LRRC37A2: variants seen among roughly 807,000 people sequenced by gnomAD.
LRRC37A2 encodes leucine-rich repeat-containing protein 37A2.
A neutral mutation model predicts 68.8 loss-of-function variants in LRRC37A2; 9 were observed. That is an observed-to-expected ratio of 0.13 (90% confidence interval 0.08 to 0.23). LRRC37A2 has a LOEUF of 0.23. Ranked by LOEUF, LRRC37A2 falls within the 10% of genes least tolerant of loss-of-function variation. The probability of loss-of-function intolerance (pLI) is 1.00; values close to 1 mark genes in which losing one functional copy is unlikely to be tolerated. For missense variants in LRRC37A2, 168 were observed against 950.4 expected (o/e 0.18, Z 10.82); for synonymous variants, 63 against 367.6 (o/e 0.17, Z 9.48).
At chr17:46,876,410 T>C in the LRRC37A2 span, 2,456 of 1,613,862 alleles carry the variant, frequency 1.5e-3, 5 homozygotes, top group Non-Finnish European at 2.0e-3. Context: ...CAATGAGGCC[T>C]TGGGCCGCCT....
the LRRC37A2 span, among the ~76,000 whole-genome samples, chr17:46,503,062 A>G: frequency 6.6e-6 from 1 of 150,688 alleles, no homozygotes; most frequent in Non-Finnish European, 1.5e-5. Flanking sequence ...AATACAGAAA[A>G]TTAGCCGGCA....
chr17:46,907,497 C>A, the LRRC37A2 span, among the ~76,000 whole-genome samples: 1 of 151,600 alleles, frequency 6.6e-6, no homozygotes. Flanking sequence ...CCAGCCCCAG[C>A]TCTTGGCATA....
chr17:46,621,206 G>C, the LRRC37A2 span, among the ~76,000 whole-genome samples: 4 of 149,292 alleles, frequency 2.7e-5, no homozygotes, highest in Non-Finnish European at 5.9e-5. Context: ...ACCTTGTTCT[G>C]ACTTAATTGC....
chr17:47,043,578 C>T, the LRRC37A2 span, among the ~76,000 whole-genome samples: 2 of 151,260 alleles, frequency 1.3e-5, no homozygotes, highest in African/African-American at 4.8e-5. Flanking sequence ...TGATTACATG[C>T]AATGTAAGAA....
chr17:46,873,086 TCACACAC>T, the LRRC37A2 span, among the ~76,000 whole-genome samples: 1 of 139,820 alleles, frequency 7.2e-6, no homozygotes, highest in African/African-American at 2.7e-5. Context: ...CTCTGCCTCT[TCACACAC>T]ACACACACAC....
At chr17:46,772,220 C>G in the LRRC37A2 span, among the ~76,000 whole-genome samples, 2 of 152,208 alleles carry the variant, frequency 1.3e-5, no homozygotes, top group Non-Finnish European at 2.9e-5. Flanking sequence ...CTCGCCGCCG[C>G]CAGCAAATTC....
At chr17:46,808,435 T>A in the LRRC37A2 span, among the ~76,000 whole-genome samples, 1 of 152,176 alleles carries the variant, frequency 6.6e-6, no homozygotes, top group Admixed American at 6.5e-5. Context: ...AAGTAGAATA[T>A]GAACAAGCAA....
the LRRC37A2 span, chr17:46,939,623 C>CT: frequency 2.0e-6 from 2 of 985,512 alleles, no homozygotes; most frequent in African/African-American, 3.5e-5. Context: ...TTTAGTATCT[C>CT]TAATTCTTTG....
the LRRC37A2 span, among the ~76,000 whole-genome samples, chr17:46,904,807 G>C: frequency 1.3e-5 from 2 of 152,192 alleles, no homozygotes; most frequent in African/African-American, 4.8e-5. Flanking sequence ...GGAGATGACA[G>C]GAAACTTTCC....
the LRRC37A2 span, among the ~76,000 whole-genome samples, chr17:46,959,882 G>A: frequency 1.3e-5 from 2 of 152,220 alleles, no homozygotes; most frequent in Admixed American, 1.3e-4. Flanking sequence ...TGAGCAGGAA[G>A]ACCGATTCAT....
chr17:46,975,595 CT>C, the LRRC37A2 span: 1 of 152,312 alleles, frequency 6.6e-6, no homozygotes. Flanking sequence ...ACCTCTTGCC[CT>C]CACCCCTTCT....
the LRRC37A2 span, chr17:46,939,749 ACT>A: frequency 1.0e-6 from 1 of 986,946 alleles, no homozygotes; most frequent in East Asian, 1.1e-4. Flanking sequence ...TCCTTGTAAC[ACT>A]CTGTTTTCAG....
chr17:46,494,188 A>G, the LRRC37A2 span, among the ~76,000 whole-genome samples: 1 of 150,956 alleles, frequency 6.6e-6, no homozygotes, highest in Non-Finnish European at 1.5e-5. Context: ...TATATTTTGG[A>G]TATAAGTGCT....
At chr17:46,868,379 G>T in the LRRC37A2 span, among the ~76,000 whole-genome samples, 1 of 151,902 alleles carries the variant, frequency 6.6e-6, no homozygotes, top group South Asian at 2.1e-4. Flanking sequence ...ATCACATGAG[G>T]TCAGGAGTTC....
At chr17:47,035,797 A>G in the LRRC37A2 span, among the ~76,000 whole-genome samples, 11 of 152,044 alleles carry the variant, frequency 7.2e-5, no homozygotes, top group Admixed American at 6.6e-4. Flanking sequence ...GAGGGTTTCA[A>G]TTTCCCCGGG....
the LRRC37A2 span, chr17:46,931,365 T>C: frequency 1.5e-6 from 1 of 655,182 alleles, no homozygotes. Flanking sequence ...CAATTCTATC[T>C]GAGTGATGCC....
At chr17:46,542,931 TTTC>T (rs2055656653) in intron 8 of LRRC37A2, among the ~76,000 whole-genome samples, 1 of 149,822 alleles carries the variant, frequency 6.7e-6, no homozygotes, top group African/African-American at 2.5e-5. Context: ...GTCAGGTCAC[TTTC>T]TTATCTTGAC....
At chr17:46,915,555 T>C in the LRRC37A2 span, among the ~76,000 whole-genome samples, 1 of 152,234 alleles carries the variant, frequency 6.6e-6, no homozygotes, top group Admixed American at 6.5e-5. Context: ...ATCTCTATTT[T>C]ATTACACAAT....
the LRRC37A2 span, among the ~76,000 whole-genome samples, chr17:46,896,665 A>G: frequency 6.6e-6 from 1 of 152,130 alleles, no homozygotes; most frequent in Non-Finnish European, 1.5e-5. Context: ...GTCAAGCTCC[A>G]TCATGGTCAC....
Sources: gnomAD v4.1 joint callset for allele counts (sites outside exome capture counted in the v4.1 genomes callset) on GRCh38, gnomAD v4.1.1 for gene constraint, MANE v1.5 for transcripts, NCBI Gene and HGNC (gene_info 2026-07-23, HGNC 2026-07-21) for gene names.